SLC4A4: variants seen among roughly 807,000 people sequenced by gnomAD.
SLC4A4 encodes the protein electrogenic sodium bicarbonate cotransporter 1.
In SLC4A4, 27 loss-of-function variants were observed where a neutral mutation model predicts 111.5. The ratio of observed to expected loss-of-function variants is 0.24; its 90% CI spans 0.18 to 0.33. SLC4A4 has a LOEUF of 0.33. SLC4A4 is among the 10% of genes least tolerant of loss of function. The pLI, the probability that SLC4A4 is intolerant of heterozygous loss-of-function variation, is 1.00. For missense variants in SLC4A4, 909 were observed against 1,315.5 expected, an observed-to-expected ratio of 0.69 and a Z score of 4.78; for synonymous variants, 443 against 463.4, an observed-to-expected ratio of 0.96 and a Z score of 0.57.
At chr4:71,535,768 AAG>A (rs1303203247) in intron 18 of SLC4A4, among the ~76,000 whole-genome samples, 1 of 152,082 alleles carries the variant, frequency 6.6e-6, no homozygotes, top group East Asian at 1.9e-4. Context: ...GGGCAGAATG[AAG>A]AATAACTGGG....
chr4:71,110,023 T>G (rs1161192999), intron 2 of SLC4A4, among the ~76,000 whole-genome samples: 1 of 152,126 alleles, frequency 6.6e-6, no homozygotes, highest in Non-Finnish European at 1.5e-5. Context: ...GAAAATTATT[T>G]GCAACTTACC....
At chr4:71,294,974 G>A (rs750618470) in intron 3 of SLC4A4, among the ~76,000 whole-genome samples, 4 of 152,170 alleles carry the variant, frequency 2.6e-5, no homozygotes, top group Non-Finnish European at 5.9e-5. Flanking sequence ...TTGCTTTTCT[G>A]AGACTAGTAT....
chr4:71,086,291 AAGG>A (rs559111167), intron 1 of SLC4A4, among the ~76,000 whole-genome samples: 2,125 of 151,800 alleles, frequency 0.014, 75 homozygotes, highest in African/African-American at 0.049. Flanking sequence ...TTATCAGCTT[AAGG>A]AGATTTTGGG....
chr4:71,163,454 T>A (rs1354304875), intron 2 of SLC4A4, among the ~76,000 whole-genome samples: 1 of 152,232 alleles, frequency 6.6e-6, no homozygotes, highest in African/African-American at 2.4e-5. Flanking sequence ...TGCTGTGATG[T>A]CACAGAGCAG....
chr4:71,258,222 C>A (rs1041758829), intron 3 of SLC4A4, among the ~76,000 whole-genome samples: 4 of 152,214 alleles, frequency 2.6e-5, no homozygotes, highest in African/African-American at 9.6e-5. Context: ...AAAACCTTTT[C>A]TGCCTCAGGG....
chr4:71,239,010 C>T (rs1369121974), intron 2 of SLC4A4, among the ~76,000 whole-genome samples: 1 of 152,100 alleles, frequency 6.6e-6, no homozygotes, highest in Non-Finnish European at 1.5e-5. Flanking sequence ...GAGTCCATCT[C>T]ATATTTTTAA....
intron 3 of SLC4A4, among the ~76,000 whole-genome samples, chr4:71,311,569 C>A (rs188815757): frequency 6.6e-6 from 1 of 152,228 alleles, no homozygotes; most frequent in Admixed American, 6.5e-5. Flanking sequence ...AACTGAACAA[C>A]CTGCTCCTGA....
At chr4:71,097,818 T>C (rs1742602672) in intron 2 of SLC4A4, among the ~76,000 whole-genome samples, 1 of 152,210 alleles carries the variant, frequency 6.6e-6, no homozygotes, top group Admixed American at 6.5e-5. Context: ...GCGACATGCA[T>C]GTCTTCTTTT....
At chr4:71,441,421 AATGT>A (rs1396247457) in intron 8 of SLC4A4, among the ~76,000 whole-genome samples, 1 of 152,200 alleles carries the variant, frequency 6.6e-6, no homozygotes, top group Non-Finnish European at 1.5e-5. Flanking sequence ...ACTAGAAGTT[AATGT>A]TTCACTTAAA....
At chr4:71,423,950 A>C (rs1325552130) in intron 7 of SLC4A4, among the ~76,000 whole-genome samples, 2 of 152,184 alleles carry the variant, frequency 1.3e-5, no homozygotes, top group Non-Finnish European at 2.9e-5. Context: ...TCATGTCTAA[A>C]ACACCAAAAG....
At chr4:71,077,304 G>A (rs1741861164) in intron 1 of SLC4A4, among the ~76,000 whole-genome samples, 1 of 151,900 alleles carries the variant, frequency 6.6e-6, no homozygotes, top group Non-Finnish European at 1.5e-5. Flanking sequence ...GGGATTACAG[G>A]TGCCCACCCC....
At chr4:71,444,442 G>T (rs955113715) in intron 8 of SLC4A4, among the ~76,000 whole-genome samples, 15 of 152,084 alleles carry the variant, frequency 9.9e-5, no homozygotes, top group Admixed American at 9.8e-4. Context: ...TGAATAAAAA[G>T]AACTTAGTAA....
At chr4:71,335,221 A>G (rs1728337957) in intron 3 of SLC4A4, among the ~76,000 whole-genome samples, 1 of 152,226 alleles carries the variant, frequency 6.6e-6, no homozygotes, top group Admixed American at 6.5e-5. Context: ...CTAAAATAAA[A>G]GTTAAAAAAA....
intron 18 of SLC4A4, 46 bp from the exon 19 acceptor site, chr4:71,546,304 G>T (rs372085559): frequency 2.0e-6 from 3 of 1,509,220 alleles, no homozygotes; most frequent in Non-Finnish European, 1.8e-6. Context: ...ACTAGATAGC[G>T]AATATGAGTC....
chr4:71,100,467 T>A (rs1447825857), intron 2 of SLC4A4, among the ~76,000 whole-genome samples: 1 of 152,104 alleles, frequency 6.6e-6, no homozygotes, highest in East Asian at 1.9e-4. Context: ...AAGAGCCATA[T>A]ATGACAAACC....
chr4:71,222,243 T>G (rs1346093202), intron 1 of SLC4A4, among the ~76,000 whole-genome samples: 2 of 152,176 alleles, frequency 1.3e-5, no homozygotes, highest in Non-Finnish European at 2.9e-5. Context: ...CTCCTTGATG[T>G]TCCAGTAATC....
chr4:71,488,665 G>T (rs917643689), intron 15 of SLC4A4, among the ~76,000 whole-genome samples: 3 of 151,638 alleles, frequency 2.0e-5, no homozygotes, highest in African/African-American at 7.3e-5. Context: ...TATATTAGTA[G>T]AACAAAGATT....
intron 24 of SLC4A4, among the ~76,000 whole-genome samples, chr4:71,565,482 T>C (rs1737386660): frequency 1.3e-5 from 2 of 151,858 alleles, no homozygotes; most frequent in African/African-American, 2.4e-5. Context: ...TGTCTTCACC[T>C]GGAACTGGCT....
At chr4:71,313,230 A>G (rs1299346080) in intron 3 of SLC4A4, among the ~76,000 whole-genome samples, 3 of 152,260 alleles carry the variant, frequency 2.0e-5, no homozygotes, top group Admixed American at 2.0e-4. Context: ...AGGGACATGA[A>G]GGACCTCTTC....
Sources: allele counts gnomAD v4.1 joint callset (sites outside exome capture counted in the v4.1 genomes callset), GRCh38; gene constraint gnomAD v4.1.1; transcripts MANE v1.5; gene names NCBI Gene and HGNC (gene_info 2026-07-23, HGNC 2026-07-21).